The following MSH3 variants were observed in gnomAD, a reference collection of about 807,000 sequenced individuals.
MSH3 encodes DNA mismatch repair protein Msh3.
Under a neutral mutation model 123.3 loss-of-function variants are expected in MSH3, and 106 were observed. The observed-to-expected ratio is 0.86, with a 90% CI of 0.73 to 1.01. The LOEUF is 1.01. MSH3 is among the 50% of genes least tolerant of loss of function. The probability of loss-of-function intolerance (pLI) is 0.00; values close to 1 mark genes in which losing one functional copy is unlikely to be tolerated. For missense variants in MSH3, 1,459 were observed against 1,347.6 expected (o/e 1.08, Z -1.29); for synonymous variants, 515 against 481.4 (o/e 1.07, Z -0.91).
At chr5:80,792,170 A>C (rs1436762785) in intron 18 of MSH3, among the ~76,000 whole-genome samples, 1 of 152,214 alleles carries the variant, frequency 6.6e-6, no homozygotes, top group Non-Finnish European at 1.5e-5. Context: ...TAATGAAAAT[A>C]AGTAGCAATA....
chr5:80,868,441 A>G (rs1174437725), intron 22 of MSH3, among the ~76,000 whole-genome samples: 1 of 151,668 alleles, frequency 6.6e-6, no homozygotes, highest in Non-Finnish European at 1.5e-5. Flanking sequence ...CCAGCCATAA[A>G]AAACAATAAG....
chr5:80,694,617 G>A (rs913275700), intron 8 of MSH3, among the ~76,000 whole-genome samples: 16 of 150,698 alleles, frequency 1.1e-4, no homozygotes, highest in African/African-American at 3.7e-4. Context: ...TTTCCTTTTT[G>A]TTTAGAGAAC....
At chr5:80,786,005 G>A (rs1317934389) in intron 17 of MSH3, among the ~76,000 whole-genome samples, 2 of 140,314 alleles carry the variant, frequency 1.4e-5, no homozygotes, top group Non-Finnish European at 3.1e-5. Flanking sequence ...GTGGGGGGAA[G>A]GGGGGAGGGA....
chr5:80,808,018 G>A (rs1257134897), intron 19 of MSH3, among the ~76,000 whole-genome samples: 1 of 152,098 alleles, frequency 6.6e-6, no homozygotes, highest in Admixed American at 6.5e-5. Flanking sequence ...TTGGTTTTAA[G>A]TCCTTTCAAT....
chr5:80,827,700 A>G (rs1311661824), intron 20 of MSH3, among the ~76,000 whole-genome samples: 2 of 152,102 alleles, frequency 1.3e-5, no homozygotes, highest in African/African-American at 4.8e-5. Context: ...ATCTTATTTC[A>G]TCTTTTTCAT....
Position 80,654,916 on chromosome 5 carries a change from C to CG in MSH3, c.189_190insG (p.Pro64AlafsTer21), listed in dbSNP as rs1749214765. The CG allele has an allele frequency of 4.0e-6, 6 of 1,506,276 alleles. No individual in the cohort carries two copies. The African/African-American group carries it at 6.9e-5, about 17-fold the overall frequency. The allele number at this position is 1,506,276 out of a possible 1,614,324, so 93.3% of individuals were successfully genotyped here. ...CAGCGGCCGCAGCGGCCGCAGCGCC[C>CG]CCAGCGCCCCCAGCTCCCGCCTTCC... is the stretch of plus-strand genomic sequence containing the variant. On this transcript the variant is annotated frameshift_variant, in exon 1 of 24. Coordinates refer to ENST00000265081, the MANE Select transcript of MSH3 (RefSeq NM_002439.5). LOFTEE classifies it high-confidence loss of function.
intron 8 of MSH3, among the ~76,000 whole-genome samples, chr5:80,724,526 T>C (rs532705365): frequency 2.0e-4 from 31 of 152,112 alleles, no homozygotes; most frequent in African/African-American, 7.0e-4. Context: ...GAGGACAGAA[T>C]AGGGAGTCAA....
rs148500687 is a variant in MSH3 at position 80,660,621 on chromosome 5, C to A, written c.358+4090C>A. Among the ~76,000 whole-genome samples, 338 of 152,248 alleles carry A rather than the reference C, an allele frequency of 2.2e-3. 2 individuals are homozygous for A. In the Middle Eastern group the frequency reaches 0.024, roughly 11 times the overall value. On this transcript the variant is annotated intron_variant, in intron 2 of 23. Transcript: ENST00000265081. ...GAAGAAAAGAGTCACTGTATTTCTT[C>A]GGAGATTCTTAGCCTTTAGCATATA...
intron 17 of MSH3, among the ~76,000 whole-genome samples, chr5:80,787,126 C>G (rs2112019649): frequency 6.6e-6 from 1 of 152,150 alleles, no homozygotes; most frequent in African/African-American, 2.4e-5. Flanking sequence ...AAGAAGCTTC[C>G]AGTTTAGTGT....
At chr5:80,662,076 C>T (rs1749446204) in intron 2 of MSH3, among the ~76,000 whole-genome samples, 1 of 152,202 alleles carries the variant, frequency 6.6e-6, no homozygotes, top group South Asian at 2.1e-4. Flanking sequence ...ACCACCTATA[C>T]AACATTAATC....
chr5:80,868,137 T>C (rs1455374302), intron 22 of MSH3, among the ~76,000 whole-genome samples: 2 of 152,108 alleles, frequency 1.3e-5, no homozygotes, highest in African/African-American at 4.8e-5. Context: ...CTGGTGAGGT[T>C]GTGGAGAAAA....
In MSH3 at chr5:80,787,572, A is replaced by C. The variant is rs2112020153; in HGVS notation, c.2443A>C (p.Ser815Arg). 6.2e-7 allele frequency: 1 copy of C among 1,612,630 alleles called. No individual in the cohort carries two copies. The highest frequency in any genetic ancestry group is 1.1e-5 in the South Asian group (1 of 91,060). Residue 815 changes from serine to arginine, a missense_variant, in exon 18 of 24, where the codon AGT (serine) becomes CGT (arginine). Coordinates refer to ENST00000265081, the MANE Select transcript of MSH3 (RefSeq NM_002439.5). ...TTGCTGCTGCTTCCGTAGGAAATTC[A>C]GTGAACATTATCACTCCTTGTGTAA... ...AEWLDFLEKFSEHYHSLCKAV... is the reference protein window; with the variant it reads ...AEWLDFLEKFREHYHSLCKAV...
intron 2 of MSH3, among the ~76,000 whole-genome samples, chr5:80,660,705 T>C (rs1749414901): frequency 6.6e-6 from 1 of 152,184 alleles, no homozygotes; most frequent in African/African-American, 2.4e-5. Flanking sequence ...CTGGTTGCTT[T>C]TAAGATTTTC....
At chr5:80,721,981 C>T (rs1751090756) in intron 8 of MSH3, among the ~76,000 whole-genome samples, 1 of 151,978 alleles carries the variant, frequency 6.6e-6, no homozygotes, top group Non-Finnish European at 1.5e-5. Flanking sequence ...AACTAAGAAA[C>T]AGTGATTGTT....
intron 20 of MSH3, among the ~76,000 whole-genome samples, chr5:80,847,524 G>A (rs245360): frequency 0.71 from 107,358 of 151,978 alleles, 37,917 homozygotes; most frequent in South Asian, 0.8. Flanking sequence ...AATTGCTCCC[G>A]TTATCTTCCA....
chr5:80,694,371 G>A (rs1310330888), intron 8 of MSH3, among the ~76,000 whole-genome samples: 1 of 152,084 alleles, frequency 6.6e-6, no homozygotes, highest in Non-Finnish European at 1.5e-5. Context: ...CAGTGTACTT[G>A]TGTCATTGTT....
intron 12 of MSH3, among the ~76,000 whole-genome samples, chr5:80,756,527 T>C (rs1743929390): frequency 6.6e-6 from 1 of 152,150 alleles, no homozygotes; most frequent in African/African-American, 2.4e-5. Flanking sequence ...TTATAGACAA[T>C]AGCTAATCTT....
intron 2 of MSH3, among the ~76,000 whole-genome samples, chr5:80,657,702 A>G (rs1003179763): frequency 3.3e-5 from 5 of 152,202 alleles, no homozygotes; most frequent in Non-Finnish European, 7.3e-5. Context: ...ATGGAGATAT[A>G]TGTAAAATAT....
chr5:80,694,176 C>A (rs892419395), intron 8 of MSH3, among the ~76,000 whole-genome samples: 6 of 152,130 alleles, frequency 3.9e-5, no homozygotes, highest in African/African-American at 1.2e-4. Flanking sequence ...TAAAATTAAA[C>A]CCTACTTCAG....
Sources: allele counts gnomAD v4.1 joint callset (sites outside exome capture counted in the v4.1 genomes callset), GRCh38; gene constraint gnomAD v4.1.1; transcripts MANE v1.5; gene names NCBI Gene and HGNC (gene_info 2026-07-23, HGNC 2026-07-21).